Variants in NSUN7 observed in about 807,000 individuals in gnomAD.
NSUN7 encodes the protein protein NSUN7.
A neutral mutation model predicts 58.5 loss-of-function variants in NSUN7; 39 were observed. The observed-to-expected ratio is 0.67, with a 90% confidence interval of 0.52 to 0.87. The LOEUF (loss-of-function observed/expected upper bound fraction) is 0.87, where lower values mean the gene tolerates loss of function less well. NSUN7 is among the 40% of genes least tolerant of loss of function. The pLI is 0.00. For synonymous variants in NSUN7, 278 were observed against 303.7 expected, an observed-to-expected ratio of 0.92 and a Z score of 0.88; for missense variants, 765 against 844.1, an observed-to-expected ratio of 0.91 and a Z score of 1.16.
rs180794964 is a variant in NSUN7 at position 40,780,922 on chromosome 4, C to A, written c.1036+4663C>A. Reference sequence around the variant, plus strand: ...GCAAGCTCTGCCTCCCAGGTTCACACCATTCTTCTGCCTCAGCCTCCCAAG... The same window carrying A: ...GCAAGCTCTGCCTCCCAGGTTCACAACATTCTTCTGCCTCAGCCTCCCAAG... On this transcript the variant is annotated intron_variant, in intron 7 of 11. Transcript: ENST00000381782. 1.3e-4 allele frequency among the ~76,000 whole-genome samples: 19 copies of A among 149,170 alleles called. No individual in the cohort carries two copies. The East Asian group carries it at 3.6e-3, about 28-fold the overall frequency.
chr4:40,760,634 G>A (rs549925262), intron 3 of NSUN7, 142 bp downstream of exon 3: 251 of 589,046 alleles, frequency 4.3e-4, no homozygotes, highest in Non-Finnish European at 6.7e-4. Context: ...AGGCCAAGGC[G>A]GGCGGATCAT....
intron 7 of NSUN7, among the ~76,000 whole-genome samples, chr4:40,777,612 G>A (rs936311742): frequency 1.1e-4 from 16 of 152,108 alleles, no homozygotes; most frequent in African/African-American, 1.7e-4. Context: ...CACCGCACCC[G>A]GCCTGTATCT....
chr4:40,794,057 C>T (rs752546656), intron 8 of NSUN7, among the ~76,000 whole-genome samples: 2 of 152,020 alleles, frequency 1.3e-5, no homozygotes, highest in East Asian at 1.9e-4. Context: ...GTATTAGTCT[C>T]GAGACTGACG....
intron 4 of NSUN7, among the ~76,000 whole-genome samples, chr4:40,770,902 T>C (rs1741974085): frequency 6.6e-6 from 1 of 152,004 alleles, no homozygotes; most frequent in African/African-American, 2.4e-5. Flanking sequence ...AATACAAAAA[T>C]TAGCCAGGTG....
intron 4 of NSUN7, among the ~76,000 whole-genome samples, chr4:40,761,864 G>T (rs1309510670): frequency 6.6e-6 from 1 of 152,178 alleles, no homozygotes; most frequent in Non-Finnish European, 1.5e-5. Flanking sequence ...AAAATGCTCA[G>T]TTAGAACCAG....
intron 10 of NSUN7, among the ~76,000 whole-genome samples, chr4:40,804,964 T>G (rs1743753914): frequency 6.6e-6 from 1 of 152,184 alleles, no homozygotes; most frequent in African/African-American, 2.4e-5. Flanking sequence ...CATTCCTTGC[T>G]GCTTGATAGT....
At chr4:40,773,528 C>T (rs1472533949) in intron 4 of NSUN7, among the ~76,000 whole-genome samples, 2 of 151,754 alleles carry the variant, frequency 1.3e-5, no homozygotes, top group Non-Finnish European at 2.9e-5. Flanking sequence ...ACTAAAAATA[C>T]AAAAATTAGC....
At chr4:40,764,057 A>T (rs557025953) in intron 4 of NSUN7, among the ~76,000 whole-genome samples, 2 of 151,272 alleles carry the variant, frequency 1.3e-5, no homozygotes, top group African/African-American at 4.9e-5. Flanking sequence ...TGTTTTTTTT[A>T]ATTTTTTAAT....
intron 4 of NSUN7, among the ~76,000 whole-genome samples, chr4:40,763,486 A>T (rs1429539575): frequency 6.6e-6 from 1 of 152,162 alleles, no homozygotes; most frequent in Non-Finnish European, 1.5e-5. Context: ...GTCAGGATTT[A>T]GGGGACTTTC....
Position 40,761,193 on chromosome 4 carries a change from T to C in NSUN7, c.380T>C (p.Ile127Thr). ...TTIPDHLSSLIIVMLYDFQDR... is the reference protein window; with the variant it reads ...TTIPDHLSSLTIVMLYDFQDR... ...TAGCCAGATCATTTGAGCAGTCTTATTATTGTGATGCTATATGATTTCCAA... is the reference window on the plus strand; with the variant it reads ...TAGCCAGATCATTTGAGCAGTCTTACTATTGTGATGCTATATGATTTCCAA... The change falls in exon 4 of 12, where the codon ATT becomes ACT. Residue 127 changes from isoleucine (I) to threonine (T), a missense_variant. Physicochemically the swap from Ile to Thr is moderately conservative, Grantham distance 89. Transcript: ENST00000381782. The C allele has an allele frequency of 6.3e-7, 1 of 1,586,364 alleles. No homozygotes were observed. Among genetic ancestry groups the C allele is most frequent in the South Asian group, 1.2e-5 (1 of 85,984 alleles).
intron 9 of NSUN7, among the ~76,000 whole-genome samples, chr4:40,795,629 C>T (rs1743290824): frequency 6.6e-6 from 1 of 152,122 alleles, no homozygotes; most frequent in Non-Finnish European, 1.5e-5. Context: ...TACTGGAAGA[C>T]ATACTGTAAG....
Position 40,761,146 on chromosome 4 carries a change from CT to C in NSUN7, c.358-22del, listed in dbSNP as rs752067911. 89 of 1,537,064 alleles carry C rather than the reference CT, an allele frequency of 5.8e-5. No homozygotes were observed. In the East Asian group the frequency reaches 2.0e-3, roughly 35 times the overall value. ...GGTTAGATATTGTTTGTATACTTTT[CT>C]TTATATATGTTTTCCCTTGTTAGCC... On this transcript the variant is annotated intron_variant, in intron 3 of 11. Coordinates refer to ENST00000381782, the MANE Select transcript of NSUN7 (RefSeq NM_024677.6).
intron 11 of NSUN7, 39 bp from the exon 12 acceptor site, chr4:40,808,268 G>T (rs756955186): frequency 3.9e-6 from 6 of 1,554,102 alleles, no homozygotes; most frequent in East Asian, 4.5e-5. Context: ...CACAATAATA[G>T]CTAACTCCCA....
At chr4:40,798,050 C>A (rs1014065811) in intron 9 of NSUN7, among the ~76,000 whole-genome samples, 1 of 152,220 alleles carries the variant, frequency 6.6e-6, no homozygotes, top group African/African-American at 2.4e-5. Context: ...GCCATCTCAA[C>A]AATGCTTTCT....
intron 8 of NSUN7, among the ~76,000 whole-genome samples, chr4:40,791,615 G>C (rs1020258769): frequency 3.3e-5 from 5 of 152,034 alleles, no homozygotes; most frequent in African/African-American, 9.7e-5. Flanking sequence ...TGAAACTTAT[G>C]CTTATCCCTT....
intron 10 of NSUN7, among the ~76,000 whole-genome samples, chr4:40,799,504 A>AG (rs1475595998): frequency 6.6e-6 from 1 of 152,134 alleles, no homozygotes; most frequent in African/African-American, 2.4e-5. Flanking sequence ...TTTAAAAAAA[A>AG]AAAAAAAGAA....
At chr4:40,801,715 T>C (rs1743587555) in intron 10 of NSUN7, among the ~76,000 whole-genome samples, 1 of 151,894 alleles carries the variant, frequency 6.6e-6, no homozygotes, top group South Asian at 2.1e-4. Context: ...CTGGGCAATG[T>C]GGTGAAACCT....
At chr4:40,786,503 T>A in intron 7 of NSUN7, 1 of 1,613,318 alleles carries the variant, frequency 6.2e-7, no homozygotes, top group East Asian at 2.2e-5. Context: ...CCTGTACTTA[T>A]AGTTGCTAAC....
rs763392798 is a variant in NSUN7 at position 40,808,671 on chromosome 4, G to A, written c.1889G>A (p.Arg630Gln). The A allele has an allele frequency of 3.2e-6, 5 of 1,551,680 alleles. No individual in the cohort carries two copies. The highest frequency in any genetic ancestry group is 1.2e-5 in the South Asian group (1 of 84,008). ...ACTTGTCCCTCCAGACCGCGTGAAC[G>A]GCAGACACACTTCTTAAGACCTCGG... ...KNTCPSRPRERQTHFLRPRPE... is the reference protein window; with the variant it reads ...KNTCPSRPREQQTHFLRPRPE... The change falls in exon 12 of 12, where the codon CGG (arginine) becomes CAG (glutamine). Residue 630 changes from arginine (R) to glutamine (Q), a missense_variant. By Grantham distance (43) the Arg-to-Gln change is conservative. Transcript: ENST00000381782.
Sources: allele counts gnomAD v4.1 joint callset (sites outside exome capture counted in the v4.1 genomes callset), GRCh38; gene constraint gnomAD v4.1.1; transcripts MANE v1.5; gene names NCBI Gene and HGNC (gene_info 2026-07-23, HGNC 2026-07-21).